The following GRIK4 variants were observed in gnomAD, a reference collection of about 807,000 sequenced individuals.
GRIK4 encodes glutamate receptor ionotropic, kainate 4.
GRIK4 carries 40 observed loss-of-function variants against 104.9 expected under a neutral mutation model. The ratio of observed to expected loss-of-function variants is 0.38; its 90% CI spans 0.30 to 0.50. The LOEUF (loss-of-function observed/expected upper bound fraction) is 0.50, where lower values mean the gene tolerates loss of function less well. Among genes scored for constraint, GRIK4 ranks in the 20% least tolerant of loss-of-function variants. GRIK4 has a pLI of 0.93. For missense variants in GRIK4, 1,047 were observed against 1,308.1 expected (o/e 0.80, Z 3.08); for synonymous variants, 485 against 524.9 (o/e 0.92, Z 1.04).
chr11:120,876,139 GTCA>G (rs1397789433), intron 11 of GRIK4, among the ~76,000 whole-genome samples: 2 of 142,350 alleles, frequency 1.4e-5, no homozygotes, highest in African/African-American at 5.2e-5. Context: ...CACCATCACT[GTCA>G]TCATCACCAC....
In GRIK4 at chr11:120,549,683, G is replaced by T. The variant is rs1948120748; in HGVS notation, c.-159+37796G>T. Among the ~76,000 whole-genome samples the T allele has an allele frequency of 1.3e-5, 2 of 152,230 alleles. No homozygotes were observed. Among genetic ancestry groups the T allele is most frequent in the African/African-American group, 2.4e-5 (1 of 41,462 alleles). On this transcript the variant is annotated intron_variant, in intron 1 of 20. Transcript: ENST00000527524. This position sits in a 1 kb window ranked among gnomAD's most constrained non-coding sequence, Gnocchi z 4.7. Reference sequence around the variant, plus strand: ...CAAGACAAGCAGAGGCTGAGGGCGGGTCGTGGGCCCCTGGGAGATCTGGGG... The same window carrying T: ...CAAGACAAGCAGAGGCTGAGGGCGGTTCGTGGGCCCCTGGGAGATCTGGGG...
chr11:120,778,227 T>C (rs1952081307), intron 3 of GRIK4, among the ~76,000 whole-genome samples: 1 of 152,216 alleles, frequency 6.6e-6, no homozygotes, highest in South Asian at 2.1e-4. Flanking sequence ...CTGCTTAGCA[T>C]GGTAGAGGCC....
intron 18 of GRIK4, among the ~76,000 whole-genome samples, chr11:120,966,863 G>GTT (rs1156974303): frequency 1.3e-5 from 2 of 152,184 alleles, no homozygotes; most frequent in African/African-American, 4.8e-5. Context: ...GCCCGGCTGG[G>GTT]GAAGTGGATG....
At chr11:120,798,973 G>A (rs959031135) in intron 3 of GRIK4, among the ~76,000 whole-genome samples, 8 of 152,174 alleles carry the variant, frequency 5.3e-5, no homozygotes, top group Admixed American at 3.3e-4. Flanking sequence ...ACAAAATGGG[G>A]ATAGGTGGGA....
chr11:120,854,967 A>T (rs1954066186), intron 8 of GRIK4, among the ~76,000 whole-genome samples: 1 of 152,114 alleles, frequency 6.6e-6, no homozygotes, highest in South Asian at 2.1e-4. Context: ...ACCCATACCC[A>T]CTCTCTCCAG....
At chr11:120,881,162 A>G (rs1361416894) in intron 11 of GRIK4, among the ~76,000 whole-genome samples, 1 of 152,264 alleles carries the variant, frequency 6.6e-6, no homozygotes, top group Non-Finnish European at 1.5e-5. Context: ...TGAACAGCAC[A>G]GAGCTGAGAG....
At chr11:120,587,966 A>C (rs1447873835) in intron 1 of GRIK4, among the ~76,000 whole-genome samples, 1 of 152,188 alleles carries the variant, frequency 6.6e-6, no homozygotes, top group Non-Finnish European at 1.5e-5. Context: ...CCAGCTCTGC[A>C]GGGCTCAGTA....
chr11:120,871,846 G>T (rs1223888745), intron 9 of GRIK4: 1 of 456,392 alleles, frequency 2.2e-6, no homozygotes, highest in East Asian at 6.9e-5. Context: ...CAGCCAGGTA[G>T]TTTTGTGATG....
intron 3 of GRIK4, among the ~76,000 whole-genome samples, chr11:120,742,212 GGT>G (rs1951344923): frequency 6.6e-6 from 1 of 152,082 alleles, no homozygotes; most frequent in South Asian, 2.1e-4. Flanking sequence ...CGGGCATGTT[GGT>G]GTGTGCCTTT....
intron 11 of GRIK4, among the ~76,000 whole-genome samples, chr11:120,882,970 C>T (rs889988862): frequency 6.6e-5 from 10 of 152,170 alleles, no homozygotes; most frequent in African/African-American, 2.2e-4. Flanking sequence ...CTCACGTCTC[C>T]AAAACTCAGC....
chr11:120,783,832 G>A (rs1043758273), intron 3 of GRIK4, among the ~76,000 whole-genome samples: 1 of 152,178 alleles, frequency 6.6e-6, no homozygotes, highest in African/African-American at 2.4e-5. Context: ...GGAAACAGGC[G>A]GGTTAGTGTC....
intron 1 of GRIK4, among the ~76,000 whole-genome samples, chr11:120,522,010 A>G (rs962546689): frequency 6.6e-6 from 1 of 152,184 alleles, no homozygotes; most frequent in South Asian, 2.1e-4. Flanking sequence ...AGCCAACCCT[A>G]TGAAGTAGGT....
In GRIK4 at chr11:120,609,600, C is replaced by T. The variant is rs569277908; in HGVS notation, c.-158-44085C>T. 5.4e-5 allele frequency among the ~76,000 whole-genome samples: 8 copies of T among 147,950 alleles called. No homozygotes were observed. The South Asian group carries it at 1.1e-3, about 20-fold the overall frequency. ...GGAGGTCTCGGTTCACTGCAACCTC[C>T]GCCTCCCAGGTTCCAGCAATTCTCC... On this transcript the variant is annotated intron_variant, in intron 1 of 20. Transcript: ENST00000527524.
chr11:120,885,268 C>T (rs570003745), intron 11 of GRIK4, among the ~76,000 whole-genome samples: 16 of 152,276 alleles, frequency 1.1e-4, no homozygotes, highest in Admixed American at 8.5e-4. Context: ...ACTCCGCACA[C>T]GGCAATTTGA....
intron 1 of GRIK4, among the ~76,000 whole-genome samples, chr11:120,633,398 G>T (rs906888916): frequency 1.3e-5 from 2 of 152,120 alleles, no homozygotes; most frequent in South Asian, 2.1e-4. Flanking sequence ...GCAGACGCTG[G>T]CCCCTCTTAA....
chr11:120,616,461 G>T (rs927725201), intron 1 of GRIK4, among the ~76,000 whole-genome samples: 2 of 152,192 alleles, frequency 1.3e-5, no homozygotes, highest in South Asian at 2.1e-4. Context: ...TGTTCCTTAG[G>T]GAGCCATTAT....
At chr11:120,722,344 C>T (rs894707095) in intron 3 of GRIK4, among the ~76,000 whole-genome samples, 6 of 152,284 alleles carry the variant, frequency 3.9e-5, no homozygotes, top group South Asian at 2.1e-4. Context: ...TGGGGCCGGG[C>T]GCAGTGGCTC....
At chr11:120,531,938 C>A (rs1002923432) in intron 1 of GRIK4, among the ~76,000 whole-genome samples, 1 of 152,156 alleles carries the variant, frequency 6.6e-6, no homozygotes, top group East Asian at 1.9e-4. Context: ...ATACCAGTGA[C>A]CTTTGGATGT....
At chr11:120,784,845 G>A (rs1255839020) in intron 3 of GRIK4, among the ~76,000 whole-genome samples, 2 of 152,086 alleles carry the variant, frequency 1.3e-5, no homozygotes, top group East Asian at 1.9e-4. Flanking sequence ...TTGAGAGCAG[G>A]GGACAGAACT....
Sources: allele counts gnomAD v4.1 joint callset (sites outside exome capture counted in the v4.1 genomes callset), GRCh38; gene constraint gnomAD v4.1.1; non-coding constraint Gnocchi (gnomAD v3.1); transcripts MANE v1.5; gene names NCBI Gene and HGNC (gene_info 2026-07-23, HGNC 2026-07-21).